Variants in RBMS3 observed in about 807,000 individuals in gnomAD.
RBMS3 encodes the protein RNA binding motif single stranded interacting protein 3, also known as RNA-binding motif, single-stranded-interacting protein 3.
Under a neutral mutation model 66.8 loss-of-function variants are expected in RBMS3, and 27 were observed. The observed-to-expected ratio is 0.40, with a 90% CI of 0.30 to 0.56. The LOEUF (loss-of-function observed/expected upper bound fraction) is 0.56. Among genes scored for constraint, RBMS3 ranks in the 20% least tolerant of loss-of-function variants. RBMS3 has a pLI of 0.40. For missense variants in RBMS3, 513 were observed against 549.5 expected (o/e 0.93, Z 0.66); for synonymous variants, 188 against 183.0 (o/e 1.03, Z -0.22).
chr3:29,966,501 A>C (rs924734069), intron 12 of RBMS3, among the ~76,000 whole-genome samples: 1 of 152,038 alleles, frequency 6.6e-6, no homozygotes, highest in Non-Finnish European at 1.5e-5. Flanking sequence ...CCACTTGGTC[A>C]CTGTTGGTGT....
At chr3:29,539,588 T>C (rs1012279694) in intron 3 of RBMS3, among the ~76,000 whole-genome samples, 27 of 152,202 alleles carry the variant, frequency 1.8e-4, no homozygotes, top group African/African-American at 6.0e-4. Context: ...CAACAGAATC[T>C]GGTCATCCAG....
chr3:29,555,109 G>A (rs2046308881), intron 3 of RBMS3, among the ~76,000 whole-genome samples: 1 of 152,082 alleles, frequency 6.6e-6, no homozygotes, highest in Non-Finnish European at 1.5e-5. Flanking sequence ...GGGCTGTTAA[G>A]ATAAAAATCA....
intron 1 of RBMS3, among the ~76,000 whole-genome samples, chr3:29,367,319 A>C (rs1308106928): frequency 2.0e-5 from 3 of 152,178 alleles, no homozygotes; most frequent in Non-Finnish European, 4.4e-5. Flanking sequence ...ATATTCAAAA[A>C]TGTTTTTAAT....
intron 4 of RBMS3, among the ~76,000 whole-genome samples, chr3:29,733,188 A>G (rs1460016975): frequency 6.6e-6 from 1 of 152,016 alleles, no homozygotes; most frequent in Non-Finnish European, 1.5e-5. Flanking sequence ...GTTGTTTCAT[A>G]CCTCTTCAGG....
chr3:29,582,514 G>A (rs1465428919), intron 3 of RBMS3, among the ~76,000 whole-genome samples: 1 of 152,172 alleles, frequency 6.6e-6, no homozygotes, highest in Non-Finnish European at 1.5e-5. Flanking sequence ...GCTTAATTAT[G>A]TAATTGAGAG....
At chr3:29,681,335 T>A in intron 4 of RBMS3, among the ~76,000 whole-genome samples, 1 of 151,686 alleles carries the variant, frequency 6.6e-6, no homozygotes, top group Non-Finnish European at 1.5e-5. Flanking sequence ...TATAACTTTA[T>A]TTTTTTTTCT....
intron 12 of RBMS3, among the ~76,000 whole-genome samples, chr3:29,956,298 G>T (rs1303023315): frequency 1.3e-5 from 2 of 152,028 alleles, no homozygotes; most frequent in South Asian, 4.1e-4. Flanking sequence ...ATCAAATCTT[G>T]TGAGTTTTTC....
intron 1 of RBMS3, among the ~76,000 whole-genome samples, chr3:29,423,934 C>A (rs998706629): frequency 1.3e-5 from 2 of 152,080 alleles, no homozygotes; most frequent in Non-Finnish European, 2.9e-5. Flanking sequence ...GTCGTTTAAC[C>A]TCCCTAAGTC....
chr3:29,633,282 C>T (rs1028940496), intron 4 of RBMS3, among the ~76,000 whole-genome samples: 4 of 151,738 alleles, frequency 2.6e-5, no homozygotes, highest in Non-Finnish European at 5.9e-5. Flanking sequence ...CATATATCCT[C>T]TAATAATGGT....
intron 4 of RBMS3, among the ~76,000 whole-genome samples, chr3:29,655,761 C>T (rs1228162185): frequency 2.0e-5 from 3 of 152,070 alleles, no homozygotes; most frequent in Non-Finnish European, 4.4e-5. Context: ...TCAGGCAGGT[C>T]CTTCATGAGA....
chr3:29,783,159 C>G (rs1034882544), intron 6 of RBMS3, among the ~76,000 whole-genome samples: 1 of 151,990 alleles, frequency 6.6e-6, no homozygotes, highest in Non-Finnish European at 1.5e-5. Context: ...TCTGGACTTG[C>G]TAGAGATCTA....
intron 12 of RBMS3, among the ~76,000 whole-genome samples, chr3:29,983,251 T>C (rs548251039): frequency 6.7e-6 from 1 of 149,020 alleles, no homozygotes; most frequent in Non-Finnish European, 1.5e-5. Flanking sequence ...TTTTTTTTTT[T>C]GCTTTCTATT....
At chr3:29,475,305 A>G (rs1404684101) in intron 2 of RBMS3, among the ~76,000 whole-genome samples, 4 of 150,898 alleles carry the variant, frequency 2.7e-5, no homozygotes, top group East Asian at 3.9e-4. Context: ...CTGGAGTGCA[A>G]TGGCGTGATC....
intron 1 of RBMS3, among the ~76,000 whole-genome samples, chr3:29,316,537 A>G (rs1360305595): frequency 6.6e-6 from 1 of 151,632 alleles, no homozygotes; most frequent in East Asian, 1.9e-4. Context: ...TGCTATGTAT[A>G]CACTTTCCAC....
At chr3:29,465,657 C>T (rs983829207) in intron 2 of RBMS3, among the ~76,000 whole-genome samples, 12 of 151,442 alleles carry the variant, frequency 7.9e-5, no homozygotes, top group South Asian at 2.1e-4. Context: ...CTTTCAGTTG[C>T]AATACTTTAT....
chr3:29,867,240 G>C (rs193045878), intron 6 of RBMS3, among the ~76,000 whole-genome samples: 17 of 152,038 alleles, frequency 1.1e-4, no homozygotes, highest in African/African-American at 3.6e-4. Flanking sequence ...AAGGAATCTA[G>C]CTGGGGTGGG....
chr3:29,695,742 G>A (rs1009515002), intron 4 of RBMS3, among the ~76,000 whole-genome samples: 5 of 152,124 alleles, frequency 3.3e-5, no homozygotes, highest in African/African-American at 1.2e-4. Flanking sequence ...TTAGGAAATC[G>A]TGTGTGGACA....
intron 12 of RBMS3, among the ~76,000 whole-genome samples, chr3:29,974,562 C>G (rs1314334979): frequency 6.6e-6 from 1 of 151,576 alleles, no homozygotes; most frequent in Non-Finnish European, 1.5e-5. Context: ...ATAAAAGGGT[C>G]TTATCACAGA....
intron 5 of RBMS3, among the ~76,000 whole-genome samples, chr3:29,743,925 G>A (rs1221866091): frequency 2.5e-5 from 3 of 120,682 alleles, no homozygotes; most frequent in African/African-American, 3.3e-5. Context: ...TCCCCAGAGT[G>A]TGATGTTCCC....
Sources: gnomAD v4.1 joint callset for allele counts (sites outside exome capture counted in the v4.1 genomes callset) on GRCh38, gnomAD v4.1.1 for gene constraint, MANE v1.5 for transcripts, NCBI Gene and HGNC (gene_info 2026-07-23, HGNC 2026-07-21) for gene names.